Variants in DCC observed in about 807,000 individuals in gnomAD.
DCC encodes the protein DCC netrin 1 receptor, also known as netrin receptor DCC.
A neutral mutation model predicts 172.5 loss-of-function variants in DCC; 58 were observed. That is an observed-to-expected ratio of 0.34 (90% CI 0.27 to 0.42). DCC has a LOEUF of 0.42. DCC is among the 10% of genes least tolerant of loss of function. The pLI is 1.00. For missense variants in DCC, 1,740 were observed against 1,791.0 expected, an observed-to-expected ratio of 0.97 and a Z score of 0.51; for synonymous variants, 709 against 644.5, an observed-to-expected ratio of 1.10 and a Z score of -1.52.
At chr18:53,098,032 A>G (rs1251381625) in intron 7 of DCC, among the ~76,000 whole-genome samples, 1 of 152,148 alleles carries the variant, frequency 6.6e-6, no homozygotes, top group African/African-American at 2.4e-5. Flanking sequence ...TTCTCAGATT[A>G]CATCAGTACC....
intron 1 of DCC, among the ~76,000 whole-genome samples, chr18:52,466,324 T>A (rs1988784664): frequency 6.6e-6 from 1 of 152,168 alleles, no homozygotes; most frequent in African/African-American, 2.4e-5. Context: ...ATAACAGCAG[T>A]ATTTTTATGT....
At chr18:52,376,985 G>C (rs911929209) in intron 1 of DCC, among the ~76,000 whole-genome samples, 1 of 152,144 alleles carries the variant, frequency 6.6e-6, no homozygotes, top group African/African-American at 2.4e-5. Flanking sequence ...TACATCTGAT[G>C]CCTATCACCC....
intron 12 of DCC, among the ~76,000 whole-genome samples, chr18:53,257,150 A>G (rs972032786): frequency 1.5e-4 from 23 of 152,180 alleles, no homozygotes; most frequent in African/African-American, 2.4e-4. Flanking sequence ...CAATCATGTC[A>G]TCTGCAAACA....
Position 53,339,792 on chromosome 18 carries a change from C to T in DCC, c.2244C>T (p.Pro748=). The change falls in exon 15 of 29, where the codon CCC becomes CCT. Residue 748 remains proline (P), a synonymous_variant. Coordinates refer to ENST00000442544, the MANE Select transcript of DCC (RefSeq NM_005215.4). ...GCATCATCATGAGTTGGACTCCTCC[C>T]TTGAACCCAAACATCGTGGTGCGAG... The part of the protein sequence containing the change: ...TNCIIMSWTP[P]LNPNIVVRGY... 6.2e-7 allele frequency: 1 copy of T among 1,613,952 alleles called. No homozygotes were observed. Among genetic ancestry groups the T allele is most frequent in the Non-Finnish European group, 8.5e-7 (1 of 1,179,938 alleles).
intron 15 of DCC, among the ~76,000 whole-genome samples, chr18:53,381,108 AT>A (rs1907692318): frequency 6.6e-6 from 1 of 152,192 alleles, no homozygotes; most frequent in South Asian, 2.1e-4. Context: ...GTTACCTCAA[AT>A]TTATGGGGGT....
chr18:53,190,458 CTGTGTGTGTGTGTGTGTGTGTGTGTGTG>C, intron 9 of DCC, among the ~76,000 whole-genome samples: 1 of 146,372 alleles, frequency 6.8e-6, no homozygotes, highest in East Asian at 2.0e-4. Context: ...ACTGCTAACT[CTGTGTGTGTGTGTGTGTGTGTGTGTGTG>C]TGTGTGTGTG....
rs117006849 is a variant in DCC, at chr18:53,467,556, G to C, written c.3620-338G>C. On this transcript the variant is annotated intron_variant, in intron 24 of 28. Transcript: ENST00000442544. The stretch of plus-strand genomic sequence containing the variant: ...TATGTATTAACAGAGAAAGATTTTT[G>C]TGTTACCTTTTATAGCAGGTTACAA... Among the ~76,000 whole-genome samples, 488 of 152,176 alleles carry C rather than the reference G, an allele frequency of 3.2e-3. 3 individuals are homozygous for C. Among genetic ancestry groups the C allele is most frequent in the Middle Eastern group, 0.024 (7 of 292 alleles).
At chr18:53,300,765 A>G (rs1418557783) in intron 12 of DCC, among the ~76,000 whole-genome samples, 1 of 152,136 alleles carries the variant, frequency 6.6e-6, no homozygotes, top group Non-Finnish European at 1.5e-5. Flanking sequence ...CAGCAAGTAA[A>G]TGCAAATTTA....
chr18:53,274,225 G>C (rs1265892522), intron 12 of DCC, among the ~76,000 whole-genome samples: 1 of 152,040 alleles, frequency 6.6e-6, no homozygotes, highest in African/African-American at 2.4e-5. Flanking sequence ...TAGACAACAT[G>C]TGAGAGGGCT....
chr18:53,065,839 G>T (rs2042558086), intron 6 of DCC, among the ~76,000 whole-genome samples: 1 of 152,128 alleles, frequency 6.6e-6, no homozygotes, highest in Non-Finnish European at 1.5e-5. Flanking sequence ...AGGTTAAACT[G>T]ATGCCTGTGA....
At chr18:52,347,038 C>T (rs1258293473) in intron 1 of DCC, among the ~76,000 whole-genome samples, 9 of 152,252 alleles carry the variant, frequency 5.9e-5, no homozygotes, top group African/African-American at 1.7e-4. Flanking sequence ...AATATTGGTT[C>T]TTGCCTGAAG....
At chr18:52,891,217 A>G (rs2039645829) in intron 2 of DCC, among the ~76,000 whole-genome samples, 1 of 152,008 alleles carries the variant, frequency 6.6e-6, no homozygotes, top group African/African-American at 2.4e-5. Context: ...AAGCTCCTCT[A>G]TTAAGAACCC....
At chr18:53,425,357 C>CTTTTTTTTTTTTTTTTTTT (rs747096336) in intron 21 of DCC, among the ~76,000 whole-genome samples, 2 of 101,632 alleles carry the variant, frequency 2.0e-5, no homozygotes, top group East Asian at 2.9e-4. Flanking sequence ...TTTCTCCTCT[C>CTTTTTTTTTTTTTTTTTTT]TTTTTTTTTT....
intron 1 of DCC, among the ~76,000 whole-genome samples, chr18:52,511,442 G>A (rs932639080): frequency 5.3e-5 from 8 of 152,142 alleles, no homozygotes; most frequent in Admixed American, 2.6e-4. Context: ...GACGTGGAAA[G>A]GAAAGAAGGT....
chr18:52,559,761 A>G (rs1379966471), intron 1 of DCC, among the ~76,000 whole-genome samples: 1 of 152,172 alleles, frequency 6.6e-6, no homozygotes, highest in Non-Finnish European at 1.5e-5. Context: ...AGTAAATTTT[A>G]AAAGGCTGCC....
chr18:53,255,210 G>GT lies in DCC; in HGVS notation c.1911+39622dup, dbSNP rs1229265935. Among the ~76,000 whole-genome samples, 163 of 149,698 alleles carry GT rather than the reference G, an allele frequency of 1.1e-3. 2 individuals carry two copies. The highest frequency in any genetic ancestry group is 3.5e-3 in the African/African-American group (142 of 40,910). On this transcript the variant is annotated intron_variant, in intron 12 of 28. Transcript: ENST00000442544. ...TCTTGGATATGTGGGGAGGTTTTTT[G>GT]TTTTTTTTTCTATTATTATTATACT...
intron 13 of DCC, among the ~76,000 whole-genome samples, chr18:53,312,153 C>CAAAAAAAAAAAA (rs895203731): frequency 2.6e-4 from 7 of 26,684 alleles, no homozygotes; most frequent in Non-Finnish European, 4.7e-4. Flanking sequence ...GCTAAAAATA[C>CAAAAAAAAAAAA]AAAAAAAAAA....
intron 5 of DCC, among the ~76,000 whole-genome samples, chr18:52,935,765 C>A (rs1269867148): frequency 6.6e-6 from 1 of 151,908 alleles, no homozygotes; most frequent in African/African-American, 2.4e-5. Context: ...AGGCTCTTTG[C>A]CATAAATGGG....
intron 2 of DCC, among the ~76,000 whole-genome samples, chr18:52,856,083 A>T (rs537847505): frequency 2.0e-5 from 3 of 152,028 alleles, no homozygotes; most frequent in South Asian, 2.1e-4. Flanking sequence ...CTAAATTCTT[A>T]TGGTGGCTTG....
Sources: gnomAD v4.1 joint callset for allele counts (sites outside exome capture counted in the v4.1 genomes callset) on GRCh38, gnomAD v4.1.1 for gene constraint, MANE v1.5 for transcripts, NCBI Gene and HGNC (gene_info 2026-07-23, HGNC 2026-07-21) for gene names.